Variants in CACHD1 observed in about 807,000 individuals in gnomAD.
The protein encoded by CACHD1 is cache domain containing 1.
A neutral mutation model predicts 138.7 loss-of-function variants in CACHD1; 71 were observed. The ratio of observed to expected loss-of-function variants is 0.51; its 90% CI spans 0.42 to 0.62. CACHD1 has a LOEUF of 0.62. Ranked by LOEUF, CACHD1 falls within the 20% of genes least tolerant of loss-of-function variation. CACHD1 has a pLI of 0.00. For synonymous variants in CACHD1, 578 were observed against 591.5 expected (o/e 0.98, Z 0.33); for missense variants, 1,389 against 1,625.3 (o/e 0.85, Z 2.50).
intron 1 of CACHD1, among the ~76,000 whole-genome samples, chr1:64,521,957 GTT>G (rs1202742685): frequency 1.4e-5 from 2 of 139,076 alleles, no homozygotes; most frequent in Non-Finnish European, 3.1e-5. Context: ...ATGCACAAAA[GTT>G]TTTAATTTCG....
At chr1:64,590,870 C>T (rs1257944689) in intron 3 of CACHD1, among the ~76,000 whole-genome samples, 1 of 152,202 alleles carries the variant, frequency 6.6e-6, no homozygotes, top group Non-Finnish European at 1.5e-5. Flanking sequence ...GGCCTCCACT[C>T]TGCCACTTTG....
chr1:64,600,177 C>G (rs2100573510), intron 3 of CACHD1, among the ~76,000 whole-genome samples: 1 of 152,282 alleles, frequency 6.6e-6, no homozygotes, highest in South Asian at 2.1e-4. Flanking sequence ...ACCCTATTCT[C>G]TTCATCTAAA....
chr1:64,530,441 T>A (rs910511988), intron 1 of CACHD1, among the ~76,000 whole-genome samples: 2 of 152,152 alleles, frequency 1.3e-5, no homozygotes, highest in African/African-American at 2.4e-5. Flanking sequence ...AGTTGGAGGA[T>A]CAAGTTCAAA....
intron 2 of CACHD1, among the ~76,000 whole-genome samples, chr1:64,550,891 CT>C (rs1646754048): frequency 6.6e-6 from 1 of 152,156 alleles, no homozygotes; most frequent in Non-Finnish European, 1.5e-5. Context: ...TATTTAATTC[CT>C]TTTTGTTTTA....
At chr1:64,602,948 A>G (rs1299138802) in intron 4 of CACHD1, 36 bp downstream of exon 4, 2 of 1,353,256 alleles carry the variant, frequency 1.5e-6, no homozygotes, top group Non-Finnish European at 2.1e-6. Flanking sequence ...GATGAACTGT[A>G]TTCTACTGCA....
intron 4 of CACHD1, among the ~76,000 whole-genome samples, chr1:64,627,685 T>C (rs1048425437): frequency 6.6e-6 from 1 of 152,156 alleles, no homozygotes; most frequent in Non-Finnish European, 1.5e-5. Flanking sequence ...AAAAACATAA[T>C]ACCGTAATTA....
intron 2 of CACHD1, among the ~76,000 whole-genome samples, chr1:64,560,463 A>G (rs1232408693): frequency 6.6e-6 from 1 of 151,974 alleles, no homozygotes; most frequent in Non-Finnish European, 1.5e-5. Context: ...ATTTTGACCC[A>G]TGGATTTTTA....
At chr1:64,494,376 G>A (rs976379769) in intron 1 of CACHD1, among the ~76,000 whole-genome samples, 59 of 152,264 alleles carry the variant, frequency 3.9e-4, no homozygotes, top group African/African-American at 1.3e-3. Flanking sequence ...TAATTTGAAA[G>A]AAATCTCTGC....
At chr1:64,610,518 C>G (rs947936786) in intron 4 of CACHD1, among the ~76,000 whole-genome samples, 5 of 152,114 alleles carry the variant, frequency 3.3e-5, no homozygotes, top group Non-Finnish European at 7.4e-5. Flanking sequence ...CCATGCAAGT[C>G]GAAAATCAAA....
At chr1:64,512,223 G>C (rs1646426031) in intron 1 of CACHD1, among the ~76,000 whole-genome samples, 1 of 151,820 alleles carries the variant, frequency 6.6e-6, no homozygotes, top group Non-Finnish European at 1.5e-5. Context: ...GTGAAACCCT[G>C]TCTCTACAAA....
intron 15 of CACHD1, among the ~76,000 whole-genome samples, chr1:64,665,007 G>A (rs1159048918): frequency 6.6e-6 from 1 of 151,986 alleles, no homozygotes; most frequent in African/African-American, 2.4e-5. Flanking sequence ...CATGATTATG[G>A]AATCAAGTTA....
intron 1 of CACHD1, among the ~76,000 whole-genome samples, chr1:64,499,400 A>G (rs562678578): frequency 1.9e-4 from 29 of 152,364 alleles, no homozygotes; most frequent in African/African-American, 7.0e-4. Flanking sequence ...CAATGGCAGA[A>G]GACAGGCCAG....
intron 26 of CACHD1, among the ~76,000 whole-genome samples, chr1:64,686,963 C>T (rs1650390875): frequency 6.6e-6 from 1 of 152,086 alleles, no homozygotes; most frequent in South Asian, 2.1e-4. Flanking sequence ...CGTCACACCC[C>T]TTATAATCAA....
chr1:64,537,013 C>T (rs1646637847), intron 1 of CACHD1, among the ~76,000 whole-genome samples: 1 of 152,084 alleles, frequency 6.6e-6, no homozygotes, highest in African/African-American at 2.4e-5. Flanking sequence ...AATCCAAAGC[C>T]CAGACCTTTG....
At chr1:64,477,626 T>TATTA (rs1553125567) in intron 1 of CACHD1, among the ~76,000 whole-genome samples, 38 of 109,388 alleles carry the variant, frequency 3.5e-4, no homozygotes, top group African/African-American at 7.8e-4. Context: ...TTATTATTAT[T>TATTA]TTATTTTATT....
At chr1:64,596,947 A>G (rs1367855288) in intron 3 of CACHD1, among the ~76,000 whole-genome samples, 2 of 152,064 alleles carry the variant, frequency 1.3e-5, no homozygotes, top group East Asian at 3.9e-4. Context: ...TTTATATGCT[A>G]TGTGATAAAT....
chr1:64,540,655 C>T (rs756594436), intron 1 of CACHD1, among the ~76,000 whole-genome samples: 1 of 152,156 alleles, frequency 6.6e-6, no homozygotes, highest in Non-Finnish European at 1.5e-5. Context: ...CTCACCCGCT[C>T]TCCTGGTTTT....
intron 4 of CACHD1, among the ~76,000 whole-genome samples, chr1:64,625,112 G>C (rs1648050094): frequency 6.6e-6 from 1 of 152,210 alleles, no homozygotes; most frequent in Admixed American, 6.5e-5. Context: ...CACTGTACCA[G>C]ACTGAAGGAA....
chr1:64,650,389 G>A (rs1304753251), intron 9 of CACHD1, among the ~76,000 whole-genome samples: 1 of 152,128 alleles, frequency 6.6e-6, no homozygotes, highest in Non-Finnish European at 1.5e-5. Context: ...CTCACAGCCT[G>A]CTCCTGCCGC....
Sources: gnomAD v4.1 joint callset for allele counts (sites outside exome capture counted in the v4.1 genomes callset) on GRCh38, gnomAD v4.1.1 for gene constraint, MANE v1.5 for transcripts, NCBI Gene and HGNC (gene_info 2026-07-23, HGNC 2026-07-21) for gene names.